UBR4: variants seen among roughly 807,000 people sequenced by gnomAD.
UBR4 encodes the protein ubiquitin protein ligase E3 component n-recognin 4.
In UBR4, 124 loss-of-function variants were observed where a neutral mutation model predicts 575.6. That is an observed-to-expected ratio of 0.22 (90% CI 0.19 to 0.25). The LOEUF is 0.25. UBR4 is among the 10% of genes least tolerant of loss of function. UBR4 has a pLI of 1.00. For synonymous variants in UBR4, 2,455 were observed against 2,473.7 expected (o/e 0.99, Z 0.22); for missense variants, 4,818 against 6,478.8 (o/e 0.74, Z 8.80).
At chr1:19,174,561 C>A in intron 21 of UBR4, 114 bp from the exon 22 acceptor site, 1 of 1,404,910 alleles carries the variant, frequency 7.1e-7, no homozygotes, top group Non-Finnish European at 9.6e-7. Flanking sequence ...AAATCATAAT[C>A]ATTAATTTCT....
rs374728779 is a variant in UBR4 at position 19,168,128 on chromosome 1, C to G, written c.3798G>C (p.Gln1266His). The G allele has an allele frequency of 2.4e-5, 38 of 1,612,310 alleles. No homozygotes were observed. The highest frequency in any genetic ancestry group is 2.7e-5 in the Non-Finnish European group (32 of 1,178,726). ...TACAGAGAGTCCCCAGGTGTGCAGC[C>G]TGCACTGCACTAATATAACTCTCTG... ...IPSESYISAV[Q>H]AAHLGTLCSQ... Residue 1266 changes from glutamine to histidine, a missense_variant, in exon 28 of 106, where the codon CAG becomes CAC. This residue lies in a region of UBR4 where 1,172 missense variants were observed against 1,259.7 expected (regional missense o/e 0.93). Coordinates refer to ENST00000375254, the MANE Select transcript of UBR4 (RefSeq NM_020765.3).
rs144615268 is a variant in UBR4, at chr1:19,100,455, G to A, written c.13142C>T (p.Pro4381Leu). The A allele has an allele frequency of 1.4e-5, 22 of 1,613,886 alleles. No homozygotes were observed. Among genetic ancestry groups the A allele is most frequent in the African/African-American group, 1.1e-4 (8 of 74,848 alleles). Residue 4381 changes from proline to leucine, a missense_variant, in exon 89 of 106, where the codon CCG becomes CTG. By Grantham distance (98) the Pro-to-Leu change is moderately conservative (BLOSUM62 -3). Coordinates refer to ENST00000375254, the MANE Select transcript of UBR4 (RefSeq NM_020765.3). This position sits in a 1 kb window ranked among gnomAD's most constrained non-coding sequence, Gnocchi z 4.2. ...PYSSNEPGIG[P>L]LMRDIKNKIC... is the part of the protein sequence containing the mutation. Reference sequence around the variant, plus strand: ...CTTGTTCTTTATATCCCTCATCAGCGGCCCGATGCCTGGCTCATTGCTGCT... The same window carrying A: ...CTTGTTCTTTATATCCCTCATCAGCAGCCCGATGCCTGGCTCATTGCTGCT...
rs1201786731 is a variant in UBR4 at position 19,100,060 on chromosome 1, C to T, written c.13221+316G>A. 4.6e-6 allele frequency: 2 copies of T among 438,382 alleles called. No homozygotes were observed. The highest frequency in any genetic ancestry group is 8.1e-6 in the Non-Finnish European group (2 of 245,768). 27.2% of individuals were successfully genotyped at this position (438,382 alleles called of 1,614,324 possible). A position where few individuals can be genotyped will look rare whatever the true frequency, so the allele number is the denominator to read the frequency against. The stretch of plus-strand genomic sequence containing the variant: ...GTAAAACGCCAATATTTAGGGGGCT[C>T]AGGTAACTCAGACTCACCGAGAAGT... On this transcript the variant is annotated intron_variant, in intron 89 of 105. Transcript: ENST00000375254. The surrounding 1 kb of genome is among the most constrained non-coding windows in gnomAD (Gnocchi z 4.2).
chr1:19,180,207 G>C (rs1295708609), intron 17 of UBR4, among the ~76,000 whole-genome samples: 1 of 145,966 alleles, frequency 6.9e-6, no homozygotes, highest in Non-Finnish European at 1.5e-5. Context: ...TTTTTTTTTT[G>C]AGATAGAGTC....
chr1:19,205,575 A>G (rs2092965538), intron 1 of UBR4, among the ~76,000 whole-genome samples: 1 of 152,108 alleles, frequency 6.6e-6, no homozygotes, highest in Admixed American at 6.5e-5. Context: ...ATGTGATACT[A>G]AGACATAGAA....
intron 17 of UBR4, among the ~76,000 whole-genome samples, chr1:19,180,067 T>C (rs1482292158): frequency 6.6e-6 from 1 of 152,216 alleles, no homozygotes; most frequent in Non-Finnish European, 1.5e-5. Flanking sequence ...GAGCATACTT[T>C]GTTGTCACAC....
At position 19,168,068 on chromosome 1, in the gene UBR4, A is replaced by C; in HGVS notation, c.3858T>G (p.His1286Gln). ...QSLPLAASLK[H>Q]TLLSLVRLTG... Reference sequence around the variant, plus strand: ...TCAACCTGACCAGTGAGAGGAGGGTATGCTTCAGGGAAGCAGCCAGGGGCA... The same window carrying C: ...TCAACCTGACCAGTGAGAGGAGGGTCTGCTTCAGGGAAGCAGCCAGGGGCA... Residue 1286 changes from histidine to glutamine, a missense_variant, in exon 28 of 106, where the codon CAT becomes CAG. Transcript: ENST00000375254. 1 of 1,613,848 alleles carries C rather than the reference A, an allele frequency of 6.2e-7. No homozygotes were observed. Among genetic ancestry groups the C allele is most frequent in the Non-Finnish European group, 8.5e-7 (1 of 1,179,772 alleles).
At position 19,210,053 on chromosome 1, in the gene UBR4, C is replaced by A. The variant is rs1320642492; in HGVS notation, c.176+20G>T. ...CCTCCCCCCACAACAGCGTCGCCCG[C>A]CAGAGCCGCCGCCCGGTACCTCTCG... On this transcript the variant is annotated intron_variant, in intron 1 of 105. Coordinates refer to ENST00000375254, the MANE Select transcript of UBR4 (RefSeq NM_020765.3). 13 of 1,532,276 alleles carry A rather than the reference C, an allele frequency of 8.5e-6. No individual in the cohort carries two copies. The highest frequency in any genetic ancestry group is 2.6e-5 in the East Asian group (1 of 37,746). The allele number at this position is 1,532,276 out of a possible 1,614,324, so 94.9% of individuals were successfully genotyped here.
chr1:19,192,515 T>A lies in UBR4; in HGVS notation c.1169A>T (p.Gln390Leu). Residue 390 changes from glutamine to leucine, a missense_variant, in exon 10 of 106, where the codon CAA (glutamine) becomes CTA (leucine). By Grantham distance (113) the Gln-to-Leu change is moderately radical (BLOSUM62 -2). Transcript: ENST00000375254. ...AGCCCGGCGAGAACTGCTGATTGCT[T>A]GTCCAATCATGTCATAGATTTCGAG... ...KCLEIYDMIGQAISSSRRAGG... is the reference protein window; with the variant it reads ...KCLEIYDMIGLAISSSRRAGG... 6.2e-7 allele frequency: 1 copy of A among 1,614,124 alleles called. No homozygotes were observed. Among genetic ancestry groups the A allele is most frequent in the Non-Finnish European group, 8.5e-7 (1 of 1,179,976 alleles).
At chr1:19,197,381 C>T in intron 7 of UBR4, 116 bp from the exon 8 acceptor site, 2 of 1,443,926 alleles carry the variant, frequency 1.4e-6, no homozygotes, top group East Asian at 2.4e-5. Context: ...ATAATTCCGA[C>T]ACTTCAGGAG....
In UBR4 at chr1:19,151,670, G is replaced by T; in HGVS notation, c.7186C>A (p.Gln2396Lys). 6.2e-7 allele frequency: 1 copy of T among 1,614,206 alleles called. No homozygotes were observed. Among genetic ancestry groups the T allele is most frequent in the East Asian group, 2.2e-5 (1 of 44,882 alleles). The change falls in exon 48 of 106, where the codon CAG becomes AAG. Residue 2396 changes from glutamine to lysine, a missense_variant. Gln to Lys is a moderately conservative substitution (Grantham distance 53). Around this residue, in one of 29 missense-constraint regions of UBR4, gnomAD observed 340 missense variants for 375.4 expected, o/e 0.91. Coordinates refer to ENST00000375254, the MANE Select transcript of UBR4 (RefSeq NM_020765.3). ...DFPFTREEAL[Q>K]ADKKLNLFIG... ...AAGAGGTTCAGCTTCTTATCAGCCT[G>T]CAGGGCTTCTTCTCTGGTGAAGGGG...
chr1:19,141,099 C>T (rs576710744), intron 57 of UBR4, among the ~76,000 whole-genome samples: 15 of 152,350 alleles, frequency 9.8e-5, no homozygotes, highest in Admixed American at 3.3e-4. Context: ...AGGCAGGACA[C>T]AGGCTGGAGG....
chr1:19,114,999 T>TG, intron 74 of UBR4, 50 bp from the exon 75 acceptor site: 2 of 1,611,490 alleles, frequency 1.2e-6, no homozygotes, highest in Non-Finnish European at 1.7e-6. Flanking sequence ...CTGGGTGGGG[T>TG]GGGGGTCACT....
At position 19,092,816 on chromosome 1, in the gene UBR4, C is replaced by T. The variant is rs2077657193; in HGVS notation, c.14211+3G>A. 1 of 1,609,854 alleles carries T rather than the reference C, an allele frequency of 6.2e-7. No homozygotes were observed. The highest frequency in any genetic ancestry group is 8.5e-7 in the Non-Finnish European group (1 of 1,178,146). ...CCTCACACTACCTGTCCTGGCTACC[C>T]ACCTGGGTGCCAGGGTGCTGGATGG... On this transcript the variant is annotated splice_donor_region_variant and intron_variant, in intron 97 of 105. Transcript: ENST00000375254.
intron 77 of UBR4, 176 bp downstream of exon 77, chr1:19,113,523 A>C: frequency 1.1e-6 from 1 of 893,752 alleles, no homozygotes; most frequent in South Asian, 1.7e-5. Context: ...CAGCGCCATA[A>C]ATCACGGTGG....
At chr1:19,098,924 A>C (rs889579184) in intron 90 of UBR4, among the ~76,000 whole-genome samples, 1 of 152,192 alleles carries the variant, frequency 6.6e-6, no homozygotes, top group African/African-American at 2.4e-5. Context: ...AGAAGGGAAG[A>C]AATGGCAGGG....
At chr1:19,145,022 TGACA>T in intron 53 of UBR4, 115 bp from the exon 54 acceptor site, 1 of 1,213,660 alleles carries the variant, frequency 8.2e-7, no homozygotes, top group South Asian at 1.4e-5. Flanking sequence ...GCAAACAAAA[TGACA>T]AACACTCACA....
intron 69 of UBR4, 123 bp from the exon 70 acceptor site, chr1:19,119,824 T>C: frequency 7.5e-7 from 1 of 1,324,690 alleles, no homozygotes; most frequent in Non-Finnish European, 1.0e-6. Context: ...ACGGTTTTGT[T>C]TCACTTTTGA....
At chr1:19,177,952 A>G (rs1206429437) in intron 18 of UBR4, among the ~76,000 whole-genome samples, 1 of 152,224 alleles carries the variant, frequency 6.6e-6, no homozygotes, top group East Asian at 1.9e-4. Flanking sequence ...ACAGTGGCTC[A>G]GTCTATAATC....
Sources: gnomAD v4.1 joint callset for allele counts (sites outside exome capture counted in the v4.1 genomes callset) on GRCh38, gnomAD v4.1.1 for gene constraint, gnomAD v4.1.1 regional missense constraint, Gnocchi (gnomAD v3.1) non-coding constraint, MANE v1.5 for transcripts, NCBI Gene and HGNC (gene_info 2026-07-23, HGNC 2026-07-21) for gene names.